ZFP41: variants seen among roughly 807,000 people sequenced by gnomAD.
ZFP41 encodes zinc finger protein 41 homolog.
In ZFP41, 10 loss-of-function variants were observed where a neutral mutation model predicts 11.6. That is an observed-to-expected ratio of 0.86 (90% confidence interval 0.53 to 1.47). The LOEUF is 1.47. Ranked by LOEUF, ZFP41 falls within the 40% of genes most tolerant of loss-of-function variation. The pLI is 0.00. For missense variants in ZFP41, 302 were observed against 264.6 expected, an observed-to-expected ratio of 1.14 and a Z score of -0.98; for synonymous variants, 123 against 100.9, an observed-to-expected ratio of 1.22 and a Z score of -1.31.
At chr8:143,254,994 G>A (rs181902784) in intron 2 of ZFP41, among the ~76,000 whole-genome samples, 14 of 152,182 alleles carry the variant, frequency 9.2e-5, no homozygotes, top group African/African-American at 3.4e-4. Context: ...CCATATTTAG[G>A]GCCAATAGGA....
intron 2 of ZFP41, among the ~76,000 whole-genome samples, chr8:143,257,558 GAC>G (rs1296391585): frequency 1.3e-5 from 2 of 152,132 alleles, no homozygotes; most frequent in African/African-American, 4.8e-5. Flanking sequence ...AATGGAAACA[GAC>G]ACCATTGAGA....
At chr8:143,257,572 G>A (rs1182113553) in intron 2 of ZFP41, among the ~76,000 whole-genome samples, 1 of 152,180 alleles carries the variant, frequency 6.6e-6, no homozygotes, top group Admixed American at 6.5e-5. Context: ...CCATTGAGAG[G>A]ACAAAAGAGC....
chr8:143,259,490 C>A (rs1814987768), intron 2 of ZFP41, among the ~76,000 whole-genome samples: 1 of 152,180 alleles, frequency 6.6e-6, no homozygotes, highest in African/African-American at 2.4e-5. Context: ...ACATCTGACA[C>A]CCTCCCACCT....
At chr8:143,256,130 C>T (rs368154115) in intron 2 of ZFP41, among the ~76,000 whole-genome samples, 2 of 14,552 alleles carry the variant, frequency 1.4e-4, no homozygotes, top group Non-Finnish European at 2.5e-4. Context: ...AGTGAGATCA[C>T]GGCTCGCCCC....
At chr8:143,251,910 C>T (rs1814772575) in intron 2 of ZFP41, among the ~76,000 whole-genome samples, 1 of 152,198 alleles carries the variant, frequency 6.6e-6, no homozygotes, top group African/African-American at 2.4e-5. Context: ...GAAGCACATT[C>T]CACACGCAGA....
Position 143,249,809 on chromosome 8 carries a change from G to C in ZFP41, c.-35G>C. ...AGTGGGGCCAACAGAGAGGTCAGCA[G>C]CCCCTTAGCCCTCACGCTTCCAAGG... On this transcript the variant is annotated 5_prime_UTR_variant, in exon 2 of 3. Transcript: ENST00000330701. 1 of 1,535,462 alleles carries C rather than the reference G, an allele frequency of 6.5e-7. No homozygotes were observed. Among genetic ancestry groups the C allele is most frequent in the Non-Finnish European group, 8.7e-7 (1 of 1,146,712 alleles).
At chr8:143,247,359 C>T (rs1480868261) in intron 1 of ZFP41, 2 of 152,296 alleles carry the variant, frequency 1.3e-5, no homozygotes, top group Non-Finnish European at 2.9e-5. Context: ...CGCACGGGAC[C>T]CTGGCGGGCC....
In ZFP41 at chr8:143,250,419, C is replaced by T. The variant is rs1816782570; in HGVS notation, c.576C>T (p.Arg192=). The part of the protein sequence containing the change: ...YSSCLIRHQK[R]HPRKKP ...CCTGTCTCATCCGCCATCAGAAACG[C>T]CACCCTCGGAAGAAGCCCTGAGCCG... Residue 192 remains arginine (R), a synonymous_variant, in exon 2 of 3, where the codon CGC becomes CGT. Coordinates refer to ENST00000330701, the MANE Select transcript of ZFP41 (RefSeq NM_173832.6). The T allele has an allele frequency of 6.2e-7, 1 of 1,611,388 alleles. No individual in the cohort carries two copies. Among genetic ancestry groups the T allele is most frequent in the East Asian group, 2.2e-5 (1 of 44,846 alleles).
chr8:143,261,101 G>C lies in ZFP41; in HGVS notation c.*2227G>C, dbSNP rs915620043. On this transcript the variant is annotated 3_prime_UTR_variant, in exon 3 of 3. Transcript: ENST00000330701. ...TTGTCTGGGCCTCTGTTTCCTCTTC[G>C]ACACAGGGAAGCAGGGAGGGGCCGA... 4 of 152,274 alleles carry C rather than the reference G, an allele frequency of 2.6e-5. No homozygotes were observed. The highest frequency in any genetic ancestry group is 7.2e-5 in the African/African-American group (3 of 41,430). The allele number at this position is 152,274 out of a possible 1,614,324, so 9.4% of individuals were successfully genotyped here.
intron 2 of ZFP41, among the ~76,000 whole-genome samples, chr8:143,252,391 G>A (rs1814787091): frequency 6.6e-6 from 1 of 152,240 alleles, no homozygotes; most frequent in South Asian, 2.1e-4. Flanking sequence ...TGGCATTGCT[G>A]GTGTGGCTGT....
chr8:143,259,002 C>T (rs1814975805), intron 2 of ZFP41, among the ~76,000 whole-genome samples: 1 of 152,234 alleles, frequency 6.6e-6, no homozygotes, highest in African/African-American at 2.4e-5. Flanking sequence ...CCAGGAGCCG[C>T]CTGTTGACTT....
Position 143,250,680 on chromosome 8 carries a change from G to C in ZFP41, c.*240G>C. The C allele has an allele frequency of 1.6e-6, 1 of 627,782 alleles. No homozygotes were observed. Among genetic ancestry groups the C allele is most frequent in the Non-Finnish European group, 2.7e-6 (1 of 368,176 alleles). The allele number at this position is 627,782 out of a possible 1,614,324, so 38.9% of individuals were successfully genotyped here. A position where few individuals can be genotyped will look rare whatever the true frequency, so the allele number is the denominator to read the frequency against. On this transcript the variant is annotated 3_prime_UTR_variant, in exon 2 of 3. Coordinates refer to ENST00000330701, the MANE Select transcript of ZFP41 (RefSeq NM_173832.6). ...CCGCAGTGATGGAGAAGCCACCAGA[G>C]GCTCCTTGCAGCCACAGAGCATTTT...
chr8:143,252,399 T>C (rs1321133464), intron 2 of ZFP41, among the ~76,000 whole-genome samples: 1 of 152,224 alleles, frequency 6.6e-6, no homozygotes, highest in Non-Finnish European at 1.5e-5. Context: ...CTGGTGTGGC[T>C]GTGCTCGCCT....
Position 143,250,656 on chromosome 8 carries a change from C to G in ZFP41, c.*216C>G. 1.3e-6 allele frequency: 1 copy of G among 741,856 alleles called. No homozygotes were observed. Among genetic ancestry groups the G allele is most frequent in the Non-Finnish European group, 2.2e-6 (1 of 464,538 alleles). The allele number at this position is 741,856 out of a possible 1,614,324, so 46.0% of individuals were successfully genotyped here. The stretch of plus-strand genomic sequence containing the variant: ...CAGAGAGTCTCTCTGATCAAGACAC[C>G]GCAGTGATGGAGAAGCCACCAGAGG... On this transcript the variant is annotated 3_prime_UTR_variant, in exon 2 of 3. Transcript: ENST00000330701.
At chr8:143,258,247 G>A (rs1814958105) in intron 2 of ZFP41, among the ~76,000 whole-genome samples, 2 of 152,228 alleles carry the variant, frequency 1.3e-5, no homozygotes, top group African/African-American at 4.8e-5. Context: ...GTTGAGCCCA[G>A]GAGGTTGACA....
chr8:143,254,760 G>A (rs1436364615), intron 2 of ZFP41, among the ~76,000 whole-genome samples: 1 of 151,338 alleles, frequency 6.6e-6, no homozygotes, highest in African/African-American at 2.4e-5. Context: ...AGCATCCCGA[G>A]TAGCTGGGAT....
rs775041036 is a variant in ZFP41 at position 143,250,004 on chromosome 8, C to G, written c.161C>G (p.Pro54Arg). 6.2e-7 allele frequency: 1 copy of G among 1,614,172 alleles called. No homozygotes were observed. The highest frequency in any genetic ancestry group is 1.1e-5 in the South Asian group (1 of 91,090). Reference sequence around the variant, plus strand: ...CCCCGCACAGAGCCCTGCCTGAGTCCTGAAGACGAAGAGCACGTCTTTGAT... The same window carrying G: ...CCCCGCACAGAGCCCTGCCTGAGTCGTGAAGACGAAGAGCACGTCTTTGAT... ...RKPRTEPCLS[P>R]EDEEHVFDAF... The change falls in exon 2 of 3, where the codon CCT (proline) becomes CGT (arginine). Residue 54 changes from proline to arginine, a missense_variant. Physicochemically the swap from Pro to Arg is moderately radical, Grantham distance 103. Coordinates refer to ENST00000330701, the MANE Select transcript of ZFP41 (RefSeq NM_173832.6).
At chr8:143,257,126 T>C (rs1814932778) in intron 2 of ZFP41, among the ~76,000 whole-genome samples, 1 of 152,096 alleles carries the variant, frequency 6.6e-6, no homozygotes, top group Non-Finnish European at 1.5e-5. Flanking sequence ...TCTGTTGCTG[T>C]TAGGAGAGGA....
intron 2 of ZFP41, among the ~76,000 whole-genome samples, chr8:143,255,878 T>G (rs28537529): frequency 1.0e-5 from 1 of 98,082 alleles, no homozygotes; most frequent in Non-Finnish European, 1.9e-5. Context: ...CGCGTGCTGG[T>G]GTTAGTGAGA....
Sources: allele counts gnomAD v4.1 joint callset (sites outside exome capture counted in the v4.1 genomes callset), GRCh38; gene constraint gnomAD v4.1.1; transcripts MANE v1.5; gene names NCBI Gene and HGNC (gene_info 2026-07-23, HGNC 2026-07-21).